The following PATJ variants were observed in gnomAD, a reference collection of about 807,000 sequenced individuals.
The protein encoded by PATJ is PATJ crumbs cell polarity complex component.
In PATJ, 190 loss-of-function variants were observed where a neutral mutation model predicts 224.9. The observed-to-expected ratio is 0.84, with a 90% CI of 0.75 to 0.95. The LOEUF is 0.95. PATJ is among the 40% of genes least tolerant of loss of function. The pLI, the probability that PATJ is intolerant of heterozygous loss-of-function variation, is 0.00. For missense variants in PATJ, 2,121 were observed against 2,270.3 expected (o/e 0.93, Z 1.34); for synonymous variants, 769 against 820.3 (o/e 0.94, Z 1.07).
At chr1:62,128,594 A>C (rs1187256795) in intron 40 of PATJ, 9 of 466,386 alleles carry the variant, frequency 1.9e-5, no homozygotes, top group Non-Finnish European at 3.1e-5. Flanking sequence ...CATTACCAAA[A>C]TACAAAAATG....
At chr1:61,955,032 C>T (rs758996896) in intron 27 of PATJ, among the ~76,000 whole-genome samples, 19 of 152,256 alleles carry the variant, frequency 1.2e-4, no homozygotes, top group Admixed American at 5.9e-4. Context: ...GGATTACAGG[C>T]GTGAGCCACT....
At chr1:61,803,274 A>C (rs1367440651) in intron 12 of PATJ, among the ~76,000 whole-genome samples, 1 of 152,204 alleles carries the variant, frequency 6.6e-6, no homozygotes, top group Non-Finnish European at 1.5e-5. Context: ...ATAACTGGGC[A>C]TGCTTAATAA....
At chr1:62,094,942 A>G (rs962021449) in intron 33 of PATJ, among the ~76,000 whole-genome samples, 7 of 152,206 alleles carry the variant, frequency 4.6e-5, no homozygotes, top group African/African-American at 1.7e-4. Flanking sequence ...TTGTGAACCA[A>G]ATAGAGTATC....
At chr1:62,126,062 C>T (rs1441114905) in intron 39 of PATJ, among the ~76,000 whole-genome samples, 1 of 152,234 alleles carries the variant, frequency 6.6e-6, no homozygotes, top group Non-Finnish European at 1.5e-5. Context: ...TGAGCCACCA[C>T]ACCCAGCCTC....
intron 14 of PATJ, among the ~76,000 whole-genome samples, chr1:61,813,521 T>C (rs1211337962): frequency 1.3e-5 from 2 of 151,788 alleles, no homozygotes; most frequent in Non-Finnish European, 2.9e-5. Context: ...TGTTCATTCA[T>C]TCATCAAATA....
chr1:62,036,024 A>C (rs1347839516), intron 29 of PATJ, among the ~76,000 whole-genome samples: 1 of 152,068 alleles, frequency 6.6e-6, no homozygotes, highest in Non-Finnish European at 1.5e-5. Flanking sequence ...GTGCAGCTGG[A>C]CTGAGGCATA....
intron 1 of PATJ, among the ~76,000 whole-genome samples, chr1:61,743,943 CAG>C (rs1644890910): frequency 1.3e-5 from 2 of 152,102 alleles, no homozygotes; most frequent in East Asian, 1.9e-4. Context: ...TGCGTGAAAA[CAG>C]AGTTTATTGG....
intron 31 of PATJ, among the ~76,000 whole-genome samples, chr1:62,069,156 ATG>A (rs1410180323): frequency 6.6e-6 from 1 of 152,186 alleles, no homozygotes; most frequent in Non-Finnish European, 1.5e-5. Flanking sequence ...CGGAATCACT[ATG>A]TCATTGCTGG....
In PATJ at chr1:62,128,880, G is replaced by T. The variant is rs1274208210; in HGVS notation, c.5206G>T (p.Asp1736Tyr). The change falls in exon 41 of 44, where the codon GAT (aspartate) becomes TAT (tyrosine). Residue 1736 changes from aspartate to tyrosine, a missense_variant. By Grantham distance (160) the Asp-to-Tyr change is radical. Transcript: ENST00000642238. ...TGTCAGCATTAACGGGCAACCTTTG[G>T]ATGGGCTGTCTCACGCGGATGTGGT... ...RIVSINGQPL[D>Y]GLSHADVVNL... 1 of 1,613,422 alleles carries T rather than the reference G, an allele frequency of 6.2e-7. No individual in the cohort carries two copies. Among genetic ancestry groups the T allele is most frequent in the South Asian group, 1.1e-5 (1 of 91,004 alleles).
chr1:61,791,291 A>G (rs1649804102), intron 8 of PATJ, 57 bp from the exon 9 acceptor site: 7 of 987,298 alleles, frequency 7.1e-6, no homozygotes, highest in South Asian at 2.8e-5. Context: ...CAGATTGACT[A>G]TGTACACACA....
intron 7 of PATJ, among the ~76,000 whole-genome samples, chr1:61,778,697 A>AAT (rs367636267): frequency 1.1e-3 from 169 of 150,276 alleles, no homozygotes; most frequent in South Asian, 5.5e-3. Context: ...CACTCTTACT[A>AAT]ATATATATAT....
chr1:61,879,573 A>G (rs1340928427), intron 21 of PATJ, among the ~76,000 whole-genome samples: 1 of 151,314 alleles, frequency 6.6e-6, no homozygotes, highest in African/African-American at 2.4e-5. Context: ...TGAGAAGAAA[A>G]AATAAGGCTC....
intron 39 of PATJ, 67 bp downstream of exon 39, chr1:62,123,125 T>TC: frequency 9.1e-7 from 1 of 1,103,984 alleles, no homozygotes; most frequent in East Asian, 2.5e-5. Context: ...ATGTACATTT[T>TC]CCCCAATACA....
intron 22 of PATJ, among the ~76,000 whole-genome samples, chr1:61,890,088 T>C (rs1401003620): frequency 6.6e-6 from 1 of 152,204 alleles, no homozygotes; most frequent in East Asian, 1.9e-4. Context: ...GATGTTCATA[T>C]CTTTCTTCTG....
chr1:61,841,998 G>A (rs75765628), intron 17 of PATJ, among the ~76,000 whole-genome samples: 6,417 of 152,264 alleles, frequency 0.042, 171 homozygotes, highest in Non-Finnish European at 0.06. Flanking sequence ...TGCTCATGGA[G>A]TGGATTGATT....
rs766183937 is a variant in PATJ at position 62,160,967 on chromosome 1, C to T, written c.5562C>T (p.Gly1854=). The stretch of plus-strand genomic sequence containing the variant: ...GGGATCAGATTTTAGCTGTTAATGG[C>T]GAGACCCTGGAAGGTGTTACTCATG... ...KRGDQILAVN[G]ETLEGVTHEQ... is the part of the protein sequence containing the mutation. The change falls in exon 44 of 44, where the codon GGC becomes GGT. Residue 1854 remains glycine, a synonymous_variant. Coordinates refer to ENST00000642238, the MANE Select transcript of PATJ (RefSeq NM_001350145.3). 10 of 1,613,440 alleles carry T rather than the reference C, an allele frequency of 6.2e-6. No homozygotes were observed. The Admixed American group carries it at 8.3e-5, about 13-fold the overall frequency.
intron 26 of PATJ, among the ~76,000 whole-genome samples, chr1:61,917,317 A>T (rs1353105751): frequency 6.6e-6 from 1 of 152,164 alleles, no homozygotes; most frequent in East Asian, 1.9e-4. Flanking sequence ...TCACTGCCAT[A>T]GTTTTCTGAC....
intron 28 of PATJ, among the ~76,000 whole-genome samples, chr1:62,015,976 A>C (rs1646750417): frequency 6.6e-6 from 1 of 152,036 alleles, no homozygotes; most frequent in African/African-American, 2.4e-5. Flanking sequence ...TTTTTAGTAG[A>C]GACAGGGTTT....
intron 27 of PATJ, among the ~76,000 whole-genome samples, chr1:61,957,805 C>T (rs896949726): frequency 2.6e-5 from 4 of 152,164 alleles, no homozygotes; most frequent in Non-Finnish European, 4.4e-5. Context: ...TTGCCAACCC[C>T]TAAGTTACGT....
Sources: allele counts gnomAD v4.1 joint callset (sites outside exome capture counted in the v4.1 genomes callset), GRCh38; gene constraint gnomAD v4.1.1; transcripts MANE v1.5; gene names NCBI Gene and HGNC (gene_info 2026-07-23, HGNC 2026-07-21).